RAD51D: variants seen among roughly 807,000 people sequenced by gnomAD.
RAD51D encodes the protein RAD51 paralog D, also known as DNA repair protein RAD51 homolog 4.
A neutral mutation model predicts 44.1 loss-of-function variants in RAD51D; 38 were observed. The observed-to-expected ratio is 0.86, with a 90% CI of 0.67 to 1.13. The LOEUF is 1.13. RAD51D is among the 50% of genes most tolerant of loss of function. The pLI is 0.00. For synonymous variants in RAD51D, 141 were observed against 166.6 expected, an observed-to-expected ratio of 0.85 and a Z score of 1.18; for missense variants, 390 against 414.0, an observed-to-expected ratio of 0.94 and a Z score of 0.50.
At chr17:35,118,020 TTC>T (rs1353681975) in intron 3 of RAD51D, among the ~76,000 whole-genome samples, 1 of 152,222 alleles carries the variant, frequency 6.6e-6, no homozygotes, top group African/African-American at 2.4e-5. Flanking sequence ...TCAGTAAATG[TTC>T]TCTCTTGCCA....
In RAD51D at chr17:35,097,529, A is replaced by ATATATGTATATG. The variant is rs1217867621; in HGVS notation, c.*3412_*3423dup. 6.6e-6 allele frequency: 1 copy of ATATATGTATATG among 150,910 alleles called. No homozygotes were observed. The highest frequency in any genetic ancestry group is 2.4e-5 in the African/African-American group (1 of 41,060). 9.3% of individuals were successfully genotyped at this position (150,910 alleles called of 1,614,324 possible). On this transcript the variant is annotated 3_prime_UTR_variant, in exon 10 of 10. Coordinates refer to ENST00000345365, the MANE Select transcript of RAD51D (RefSeq NM_002878.4). Reference sequence around the variant, plus strand: ...TGTGTGTGTGTGTGTATATATATATATATATGTATATGTATATGTATATTT... The same window carrying ATATATGTATATG: ...TGTGTGTGTGTGTGTATATATATATATATATGTATATGTATATGTATATGTATATGTATATTT...
chr17:35,119,860 C>G lies in RAD51D; in HGVS notation c.-247G>C. On this transcript the variant is annotated 5_prime_UTR_variant, in exon 1 of 10. Transcript: ENST00000345365. Reference sequence around the variant, plus strand: ...CCGGGTCGCGCCGCGCTGCCGCTTCCGGGTTCCAGGCTGGCGCGCGGCGAG... The same window carrying G: ...CCGGGTCGCGCCGCGCTGCCGCTTCGGGGTTCCAGGCTGGCGCGCGGCGAG... 1.5e-6 allele frequency: 1 copy of G among 646,628 alleles called. No homozygotes were observed. Among genetic ancestry groups the G allele is most frequent in the South Asian group, 1.6e-5 (1 of 64,160 alleles). The allele number at this position is 646,628 out of a possible 1,614,324, so 40.1% of individuals were successfully genotyped here.
At position 35,094,012 on chromosome 17, in the gene RAD51D, T is replaced by C. The variant is rs1230435688; in HGVS notation, c.*6941A>G. ...TATAAATAAATCCTGCCCAGACAAC[T>C]GCATGGCAGAACACAGCAAAAACCT... is the stretch of plus-strand genomic sequence containing the variant. On this transcript the variant is annotated 3_prime_UTR_variant, in exon 10 of 10. Transcript: ENST00000345365. 1 of 152,214 alleles carries C rather than the reference T, an allele frequency of 6.6e-6. No individual in the cohort carries two copies. Among genetic ancestry groups the C allele is most frequent in the Non-Finnish European group, 1.5e-5 (1 of 68,046 alleles). 9.4% of individuals were successfully genotyped at this position (152,214 alleles called of 1,614,324 possible).
At chr17:35,118,363 G>A (rs1026793130) in intron 3 of RAD51D, 138 bp downstream of exon 3, 9 of 736,470 alleles carry the variant, frequency 1.2e-5, no homozygotes, top group Admixed American at 2.1e-5. Flanking sequence ...GAATTCAGAT[G>A]TCCTGACCCC....
intron 3 of RAD51D, chr17:35,116,911 C>A (rs1198895875): frequency 6.2e-7 from 1 of 1,606,310 alleles, no homozygotes; most frequent in Non-Finnish European, 8.5e-7. Flanking sequence ...AGCGAAAGTC[C>A]ATCTGTTCCT....
chr17:35,114,902 T>A (rs1451853560), intron 3 of RAD51D, among the ~76,000 whole-genome samples: 1 of 152,162 alleles, frequency 6.6e-6, no homozygotes, highest in East Asian at 1.9e-4. Context: ...ATCTCAAGTT[T>A]CCCAGATGAT....
intron 3 of RAD51D, among the ~76,000 whole-genome samples, chr17:35,113,769 A>G (rs56101910): frequency 0.053 from 8,021 of 152,248 alleles, 346 homozygotes; most frequent in Admixed American, 0.16. Context: ...TGTGGTCCCC[A>G]GACCAGGTGC....
rs201881465 is a variant in RAD51D at position 35,103,409 on chromosome 17, G to T, written c.667+45C>A. ...AGAGACCAGACTCCAGAGCTGGGAG[G>T]CGAGGTCACATTCCACTGGCCCCAG... On this transcript the variant is annotated intron_variant, in intron 7 of 9. Coordinates refer to ENST00000345365, the MANE Select transcript of RAD51D (RefSeq NM_002878.4). This position sits in a 1 kb window ranked among gnomAD's most constrained non-coding sequence, Gnocchi z 4.1. 1 of 1,608,416 alleles carries T rather than the reference G, an allele frequency of 6.2e-7. No homozygotes were observed. The highest frequency in any genetic ancestry group is 8.5e-7 in the Non-Finnish European group (1 of 1,174,770).
chr17:35,119,212 T>G (rs767329118), intron 1 of RAD51D, 40 bp from the exon 2 acceptor site: 9 of 1,565,710 alleles, frequency 5.7e-6, no homozygotes, highest in Non-Finnish European at 7.9e-6. Context: ...CAGAGAGGAC[T>G]GGGGCCTCCC....
In RAD51D at chr17:35,101,145, A is replaced by T. The variant is rs1380991489; in HGVS notation, c.903+56T>A. On this transcript the variant is annotated intron_variant, in intron 9 of 9. Transcript: ENST00000345365. Reference sequence around the variant, plus strand: ...GTTCTTCTCGAAGACATCTGTGGGTATGGAAACCACCCTCCAGGGCCCAAG... The same window carrying T: ...GTTCTTCTCGAAGACATCTGTGGGTTTGGAAACCACCCTCCAGGGCCCAAG... 4 of 1,613,310 alleles carry T rather than the reference A, an allele frequency of 2.5e-6. No homozygotes were observed. The East Asian group carries it at 8.9e-5, about 36-fold the overall frequency.
Position 35,116,913 on chromosome 17 carries a change from T to C in RAD51D, c.263+1588A>G, listed in dbSNP as rs180869630. 1.8e-3 allele frequency: 2,887 copies of C among 1,607,540 alleles called. 7 individuals are homozygous for C. The highest frequency in any genetic ancestry group is 2.3e-3 in the Non-Finnish European group (2,687 of 1,176,800). On this transcript the variant is annotated intron_variant, in intron 3 of 9. Coordinates refer to ENST00000345365, the MANE Select transcript of RAD51D (RefSeq NM_002878.4). ...ATCGAAAGCATTCAGCGAAAGTCCA[T>C]CTGTTCCTCCATGCCCAAGTCCTGC...
intron 3 of RAD51D, among the ~76,000 whole-genome samples, chr17:35,110,936 T>C (rs2091667191): frequency 6.6e-6 from 1 of 151,460 alleles, no homozygotes; most frequent in Non-Finnish European, 1.5e-5. Flanking sequence ...TGAAACCCCA[T>C]CTCTATTAAA....
Position 35,099,954 on chromosome 17 carries a change from A to C in RAD51D, c.*999T>G, listed in dbSNP as rs1276229302. On this transcript the variant is annotated 3_prime_UTR_variant, in exon 10 of 10. Transcript: ENST00000345365. ...GTACAGCTGGCAGGAAGAGAGGTGTAATTATATTGCATCTTGGAGCCACCA... is the reference window on the plus strand; with the variant it reads ...GTACAGCTGGCAGGAAGAGAGGTGTCATTATATTGCATCTTGGAGCCACCA... The C allele has an allele frequency of 1.5e-5, 8 of 526,530 alleles. No individual in the cohort carries two copies. The highest frequency in any genetic ancestry group is 4.5e-5 in the Admixed American group (2 of 44,740). 32.6% of individuals were successfully genotyped at this position (526,530 alleles called of 1,614,324 possible).
In RAD51D at chr17:35,101,701, G is replaced by A. The variant is rs1169212862; in HGVS notation, c.739-336C>T. On this transcript the variant is annotated intron_variant, in intron 8 of 9. Transcript: ENST00000345365. ...TGGGATTACAAGTGTGGGCCACCAC[G>A]CCCAGACACTCAGCCTTTAAAAGGA... Among the ~76,000 whole-genome samples the A allele has an allele frequency of 2.6e-5, 4 of 152,094 alleles. No homozygotes were observed. In the East Asian group the frequency reaches 5.8e-4, roughly 22 times the overall value.
chr17:35,104,056 C>T (rs561183266), intron 6 of RAD51D, among the ~76,000 whole-genome samples: 2 of 152,148 alleles, frequency 1.3e-5, no homozygotes, highest in African/African-American at 4.8e-5. Flanking sequence ...CCAGCCTGGG[C>T]GACAGAGCAA....
At chr17:35,106,255 A>G (rs2091601348) in intron 6 of RAD51D, 131 bp downstream of exon 6, 1 of 795,154 alleles carries the variant, frequency 1.3e-6, no homozygotes, top group Non-Finnish European at 2.2e-6. Context: ...CCATCCTGGG[A>G]GTAGCAAGCA....
chr17:35,107,735 T>TC (rs1555568567), intron 3 of RAD51D, among the ~76,000 whole-genome samples: 1 of 144,130 alleles, frequency 6.9e-6, no homozygotes, highest in African/African-American at 2.6e-5. Context: ...CCTGTGGGTT[T>TC]CCTTTTTTTT....
chr17:35,103,638 T>C lies in RAD51D; in HGVS notation c.577-94A>G, dbSNP rs2091566534. 1.1e-6 allele frequency: 1 copy of C among 917,170 alleles called. No individual in the cohort carries two copies. The highest frequency in any genetic ancestry group is 1.8e-6 in the Non-Finnish European group (1 of 570,626). 56.8% of individuals were successfully genotyped at this position (917,170 alleles called of 1,614,324 possible). A position where few individuals can be genotyped will look rare whatever the true frequency, so the allele number is the denominator to read the frequency against. On this transcript the variant is annotated intron_variant, in intron 6 of 9. Transcript: ENST00000345365. This position sits in a 1 kb window ranked among gnomAD's most constrained non-coding sequence, Gnocchi z 4.1. ...TTTTCTATCTAAAACTAGTAAGAAA[T>C]AGCCCCCCCATCCCAAATACAGCAA...
chr17:35,107,160 A>T (rs1402737700), intron 4 of RAD51D, 38 bp from the exon 5 acceptor site: 1 of 1,612,548 alleles, frequency 6.2e-7, no homozygotes, highest in East Asian at 2.2e-5. Flanking sequence ...GACACTTCAG[A>T]GAGGGTCCAG....
Sources: allele counts gnomAD v4.1 joint callset (sites outside exome capture counted in the v4.1 genomes callset), GRCh38; gene constraint gnomAD v4.1.1; non-coding constraint Gnocchi (gnomAD v3.1); transcripts MANE v1.5; gene names NCBI Gene and HGNC (gene_info 2026-07-23, HGNC 2026-07-21).